ETF1: variants seen among roughly 807,000 people sequenced by gnomAD.
The protein encoded by ETF1 is eukaryotic translation termination factor 1.
Under a neutral mutation model 55.1 loss-of-function variants are expected in ETF1, and 4 were observed. The observed-to-expected ratio is 0.07, with a 90% CI of 0.04 to 0.17. The LOEUF (loss-of-function observed/expected upper bound fraction) is 0.17. Ranked by LOEUF, ETF1 falls within the 10% of genes least tolerant of loss-of-function variation. The pLI is 1.00. For synonymous variants in ETF1, 157 were observed against 182.3 expected, an observed-to-expected ratio of 0.86 and a Z score of 1.12; for missense variants, 142 against 523.6, an observed-to-expected ratio of 0.27 and a Z score of 7.11.
At chr5:138,513,262 C>T (rs1296282399) in intron 5 of ETF1, 1 of 938,466 alleles carries the variant, frequency 1.1e-6, no homozygotes, top group East Asian at 1.2e-4. Context: ...GACAGAGTCT[C>T]ACTCTGTCGC....
intron 2 of ETF1, among the ~76,000 whole-genome samples, chr5:138,521,534 T>C (rs534639059): frequency 1.3e-5 from 2 of 152,198 alleles, no homozygotes; most frequent in South Asian, 4.1e-4. Context: ...ACTTATTTAT[T>C]TATTTTTTTT....
chr5:138,520,633 CATA>C (rs1343121663), intron 2 of ETF1, among the ~76,000 whole-genome samples: 4 of 152,136 alleles, frequency 2.6e-5, no homozygotes, highest in Non-Finnish European at 4.4e-5. Flanking sequence ...GCCTGGGCAA[CATA>C]ATGAGGCCCC....
intron 2 of ETF1, among the ~76,000 whole-genome samples, chr5:138,525,468 T>TACA (rs138290411): frequency 7.8e-4 from 12 of 15,366 alleles, no homozygotes; most frequent in Admixed American, 5.0e-3. Flanking sequence ...TTAATAATTT[T>TACA]ATGAGAACAA....
At chr5:138,542,725 A>G (rs1766237361) in intron 2 of ETF1, 108 bp downstream of exon 2, 11 of 1,535,480 alleles carry the variant, frequency 7.2e-6, no homozygotes, top group Non-Finnish European at 7.0e-6. Flanking sequence ...AGAAGGCGGG[A>G]GTTGGCTAGT....
chr5:138,518,984 C>A (rs1285680495), intron 2 of ETF1, 117 bp from the exon 3 acceptor site: 3 of 1,521,014 alleles, frequency 2.0e-6, no homozygotes, highest in Admixed American at 2.1e-5. Context: ...ACAGGTCACT[C>A]TCAAAGGAGT....
At position 138,508,475 on chromosome 5, in the gene ETF1, A is replaced by G. The variant is rs1764638866; in HGVS notation, c.1232-88T>C. ...CTGGTAAGGGAATAAGGGAAGCCCT[A>G]TTCTCTTGCAGAATTGCAGAAAGCA... On this transcript the variant is annotated intron_variant, in intron 10 of 10. Coordinates refer to ENST00000360541, the MANE Select transcript of ETF1 (RefSeq NM_004730.4). The G allele has an allele frequency of 2.5e-6, 4 of 1,582,546 alleles. No homozygotes were observed. The South Asian group carries it at 3.5e-5, about 14-fold the overall frequency.
chr5:138,514,698 G>C (rs532072592), intron 4 of ETF1, among the ~76,000 whole-genome samples: 9 of 151,942 alleles, frequency 5.9e-5, no homozygotes, highest in Non-Finnish European at 1.2e-4. Flanking sequence ...CCAAAGTGCC[G>C]GGGTTACAGG....
At chr5:138,531,298 C>G (rs1765689652) in intron 2 of ETF1, among the ~76,000 whole-genome samples, 2 of 152,136 alleles carry the variant, frequency 1.3e-5, no homozygotes, top group African/African-American at 4.8e-5. Context: ...CAGTGTTCCT[C>G]CCCAACAAAG....
chr5:138,510,895 A>T, intron 8 of ETF1, 150 bp downstream of exon 8: 1 of 1,444,014 alleles, frequency 6.9e-7, no homozygotes, highest in Admixed American at 2.8e-5. Flanking sequence ...AGAAAAATCT[A>T]TGCAGGAATG....
intron 2 of ETF1, among the ~76,000 whole-genome samples, chr5:138,529,013 G>C (rs116788615): frequency 0.038 from 5,813 of 152,082 alleles, 162 homozygotes; most frequent in Non-Finnish European, 0.054. Context: ...GGGCGTGGTA[G>C]TGCATGCTTG....
intron 6 of ETF1, 44 bp downstream of exon 6, chr5:138,512,720 C>T (rs761885783): frequency 1.6e-5 from 24 of 1,521,718 alleles, no homozygotes; most frequent in East Asian, 2.6e-5. Context: ...CTCACCTACT[C>T]CTACCTAGGG....
At chr5:138,542,661 G>A in intron 2 of ETF1, 172 bp downstream of exon 2, 2 of 1,434,226 alleles carry the variant, frequency 1.4e-6, no homozygotes, top group Non-Finnish European at 1.8e-6. Flanking sequence ...ACCCCTTCTC[G>A]GGCCAACCGC....
At chr5:138,542,615 G>C in intron 2 of ETF1, 2 of 1,418,952 alleles carry the variant, frequency 1.4e-6, no homozygotes, top group East Asian at 5.3e-5. Flanking sequence ...ATCTAAACCG[G>C]GGAGCGCGGG....
In ETF1 at chr5:138,508,379, G is replaced by T. The variant is rs1469712264; in HGVS notation, c.1240C>A (p.Arg414=). 6.2e-7 allele frequency: 1 copy of T among 1,613,800 alleles called. No individual in the cohort carries two copies. The highest frequency in any genetic ancestry group is 2.2e-5 in the East Asian group (1 of 44,880). The change falls in exon 11 of 11, where the codon CGG becomes AGG. Residue 414 remains arginine, a synonymous_variant. Coordinates refer to ENST00000360541, the MANE Select transcript of ETF1 (RefSeq NM_004730.4). ...KGFGGIGGIL[R]YRVDFQGMEY... Reference sequence around the variant, plus strand: ...ATTCCCTGGAAATCTACTCGGTACCGCAAGATACCTGGGGAAACAAACCAA... The same window carrying T: ...ATTCCCTGGAAATCTACTCGGTACCTCAAGATACCTGGGGAAACAAACCAA...
chr5:138,513,825 GA>G, intron 4 of ETF1, 119 bp from the exon 5 acceptor site: 1 of 1,222,022 alleles, frequency 8.2e-7, no homozygotes, highest in South Asian at 2.8e-5. Flanking sequence ...AGCACTGTGG[GA>G]AAACCTTCTA....
intron 6 of ETF1, chr5:138,512,104 C>G (rs1469639558): frequency 7.1e-6 from 1 of 140,888 alleles, no homozygotes; most frequent in Non-Finnish European, 1.5e-5. Context: ...GGAGGCTGAG[C>G]TGGGAGGATC....
chr5:138,530,599 G>A (rs1275785399), intron 2 of ETF1, among the ~76,000 whole-genome samples: 5 of 151,910 alleles, frequency 3.3e-5, no homozygotes, highest in Admixed American at 6.6e-5. Flanking sequence ...TTGAGACAGA[G>A]TCTCACTCTT....
At chr5:138,523,840 G>C (rs1358345181) in intron 2 of ETF1, among the ~76,000 whole-genome samples, 1 of 152,196 alleles carries the variant, frequency 6.6e-6, no homozygotes, top group Non-Finnish European at 1.5e-5. Context: ...GCTTGAGGCA[G>C]AACTGCTTGC....
chr5:138,517,755 A>T, intron 3 of ETF1, 55 bp from the exon 4 acceptor site: 1 of 1,363,118 alleles, frequency 7.3e-7, no homozygotes, highest in Non-Finnish European at 9.6e-7. Flanking sequence ...TTTTTCGTCA[A>T]TTAATAGAAA....
Sources: gnomAD v4.1 joint callset for allele counts (sites outside exome capture counted in the v4.1 genomes callset) on GRCh38, gnomAD v4.1.1 for gene constraint, MANE v1.5 for transcripts, NCBI Gene and HGNC (gene_info 2026-07-23, HGNC 2026-07-21) for gene names.